The following CUX1 variants were observed in gnomAD, a reference collection of about 807,000 sequenced individuals.
CUX1 encodes the protein protein CASP.
Under a neutral mutation model 158.8 loss-of-function variants are expected in CUX1, and 31 were observed. The ratio of observed to expected loss-of-function variants is 0.20; its 90% CI spans 0.15 to 0.26. CUX1 has a LOEUF of 0.26. Ranked by LOEUF, CUX1 falls within the 10% of genes least tolerant of loss-of-function variation. The probability of loss-of-function intolerance (pLI) is 1.00; values close to 1 mark genes in which losing one functional copy is unlikely to be tolerated. For missense variants in CUX1, 1,589 were observed against 2,014.6 expected (o/e 0.79, Z 4.04); for synonymous variants, 879 against 862.1 (o/e 1.02, Z -0.34).
intron 3 of CUX1, among the ~76,000 whole-genome samples, chr7:102,067,229 C>CTTTTTTTTTT (rs34912215): frequency 4.3e-5 from 4 of 94,018 alleles, no homozygotes; most frequent in Non-Finnish European, 5.8e-5. Flanking sequence ...TTTCATGTAA[C>CTTTTTTTTTT]TTTTTTTTTT....
At chr7:101,887,235 G>A (rs553242784) in intron 1 of CUX1, among the ~76,000 whole-genome samples, 5 of 152,080 alleles carry the variant, frequency 3.3e-5, no homozygotes, top group South Asian at 2.1e-4. Flanking sequence ...CTTTCTTTCC[G>A]ATGGGGGCAA....
intron 1 of CUX1, among the ~76,000 whole-genome samples, chr7:101,876,680 C>G (rs910084384): frequency 6.7e-6 from 1 of 150,216 alleles, no homozygotes. Flanking sequence ...GGCAACATAG[C>G]AAAACTCCGT....
intron 4 of CUX1, among the ~76,000 whole-genome samples, chr7:102,095,384 C>A (rs958438131): frequency 6.6e-6 from 1 of 152,128 alleles, no homozygotes; most frequent in African/African-American, 2.4e-5. Flanking sequence ...AAAAGCCATG[C>A]ACCAGAAAGA....
upstream of CUX1, chr7:101,816,873 C>G: frequency 5.1e-6 from 5 of 973,818 alleles, no homozygotes; most frequent in Non-Finnish European, 6.1e-6. Flanking sequence ...GTCACCGGCC[C>G]GGGCCGCGCC....
intron 8 of CUX1, among the ~76,000 whole-genome samples, chr7:102,156,748 A>G (rs1789805068): frequency 6.6e-6 from 1 of 152,204 alleles, no homozygotes; most frequent in Non-Finnish European, 1.5e-5. Flanking sequence ...GGCTGTCCCC[A>G]GGAGTAGACT....
At chr7:102,202,272 C>T (rs577880743) in intron 18 of CUX1, 68 bp downstream of exon 18, 1 of 1,524,554 alleles carries the variant, frequency 6.6e-7, no homozygotes, top group Non-Finnish European at 8.8e-7. Context: ...AAGTATCTAT[C>T]CCGCAGCCTG....
At chr7:101,904,518 C>A (rs1802534259) in intron 1 of CUX1, among the ~76,000 whole-genome samples, 1 of 151,396 alleles carries the variant, frequency 6.6e-6, no homozygotes, top group African/African-American at 2.4e-5. Context: ...AATGATCTCT[C>A]AGAATCAAGA....
At chr7:102,155,636 T>C (rs1789670850) in intron 8 of CUX1, among the ~76,000 whole-genome samples, 1 of 152,130 alleles carries the variant, frequency 6.6e-6, no homozygotes, top group Non-Finnish European at 1.5e-5. Flanking sequence ...GAGTTTACGC[T>C]CTGAATTCTT....
chr7:101,832,174 G>A (rs894451873), intron 1 of CUX1, among the ~76,000 whole-genome samples: 3 of 152,200 alleles, frequency 2.0e-5, no homozygotes, highest in African/African-American at 7.2e-5. Flanking sequence ...AGGAGGGTGT[G>A]GTGGTCATGG....
At position 102,172,069 on chromosome 7, in the gene CUX1, A is replaced by G. The variant is rs142461126; in HGVS notation, c.828+1519A>G. Among the ~76,000 whole-genome samples, 33 of 152,116 alleles carry G rather than the reference A, an allele frequency of 2.2e-4. No homozygotes were observed. The East Asian group carries it at 6.2e-3, about 29-fold the overall frequency. ...CATTGACAATCATTATTTCCACCCA[A>G]TCTGTGAAACAGAATACCGTTATTT... On this transcript the variant is annotated intron_variant, in intron 10 of 23. Coordinates refer to ENST00000292535, the MANE Select transcript of CUX1 (RefSeq NM_181552.4).
chr7:102,274,727 G>A (rs980634803), intron 16 of CUX1, among the ~76,000 whole-genome samples: 1 of 152,262 alleles, frequency 6.6e-6, no homozygotes, highest in African/African-American at 2.4e-5. Context: ...GTGAAAGGCT[G>A]GTGAGTGGTG....
intron 2 of CUX1, among the ~76,000 whole-genome samples, chr7:101,955,915 GGCTCAC>G (rs60859989): frequency 0.23 from 35,233 of 151,504 alleles, 4,873 homozygotes; most frequent in African/African-American, 0.37. Flanking sequence ...TGGGCCCTGT[GGCTCAC>G]GCCTGTAATC....
chr7:102,262,402 G>GGATGGATGGATGGATGGATGGAT (rs1554544092), downstream of CUX1, among the ~76,000 whole-genome samples: 5 of 148,816 alleles, frequency 3.4e-5, no homozygotes, highest in African/African-American at 7.6e-5. Flanking sequence ...CATCATGGAT[G>GGATGGATGGATGGATGGATGGAT]GATGGATGGA....
intron 22 of CUX1, among the ~76,000 whole-genome samples, chr7:102,235,453 C>G (rs1799456260): frequency 2.6e-5 from 4 of 152,200 alleles, no homozygotes; most frequent in Admixed American, 2.0e-4. Context: ...GTAATCCCAG[C>G]ACTTTGGGAG....
intron 8 of CUX1, among the ~76,000 whole-genome samples, chr7:102,122,886 A>G (rs1375108329): frequency 1.3e-5 from 2 of 152,138 alleles, no homozygotes; most frequent in African/African-American, 4.8e-5. Context: ...TACAGACGTC[A>G]CATGCACACA....
chr7:101,913,549 G>A (rs886462476), intron 1 of CUX1: 1 of 380,700 alleles, frequency 2.6e-6, no homozygotes, highest in South Asian at 3.6e-5. Flanking sequence ...GGACGGAGGG[G>A]GCCCACAGAC....
At chr7:101,975,195 G>A (rs1049685264) in intron 2 of CUX1, among the ~76,000 whole-genome samples, 1 of 152,022 alleles carries the variant, frequency 6.6e-6, no homozygotes, top group African/African-American at 2.4e-5. Flanking sequence ...AGGTTGCAGT[G>A]AGTCGCGATT....
rs76730611 is a variant in CUX1 at position 102,223,145 on chromosome 7, G to T, written c.3131-4222G>T. Among the ~76,000 whole-genome samples, 1,282 of 151,836 alleles carry T rather than the reference G, an allele frequency of 8.4e-3. 12 individuals carry two copies. The highest frequency in any genetic ancestry group is 0.03 in the African/African-American group (1,227 of 41,470). On this transcript the variant is annotated intron_variant, in intron 20 of 23. Transcript: ENST00000292535. ...CCTGTGTAAAATGTGGGAAGTGGCC[G>T]GGCACAGTGGCTCACACCTGTAATT...
chr7:102,273,906 C>T (rs1449027910), intron 15 of CUX1, among the ~76,000 whole-genome samples: 2 of 152,242 alleles, frequency 1.3e-5, no homozygotes, highest in Non-Finnish European at 1.5e-5. Flanking sequence ...AGTGGGACTC[C>T]GGGAGAGAAG....
Sources: gnomAD v4.1 joint callset for allele counts (sites outside exome capture counted in the v4.1 genomes callset) on GRCh38, gnomAD v4.1.1 for gene constraint, MANE v1.5 for transcripts, NCBI Gene and HGNC (gene_info 2026-07-23, HGNC 2026-07-21) for gene names.